CAPZB: variants seen among roughly 807,000 people sequenced by gnomAD.
CAPZB encodes the protein F-actin-capping protein subunit beta.
In CAPZB, 2 loss-of-function variants were observed where a neutral mutation model predicts 38.1. That is an observed-to-expected ratio of 0.05 (90% CI 0.02 to 0.17). The LOEUF is 0.17. CAPZB is among the 10% of genes least tolerant of loss of function. The pLI is 1.00. For synonymous variants in CAPZB, 107 were observed against 127.4 expected, an observed-to-expected ratio of 0.84 and a Z score of 1.08; for missense variants, 161 against 334.2, an observed-to-expected ratio of 0.48 and a Z score of 4.04.
intron 1 of CAPZB, among the ~76,000 whole-genome samples, chr1:19,443,224 C>CA (rs60052942): frequency 0.22 from 30,536 of 138,646 alleles, 3,796 homozygotes; most frequent in Non-Finnish European, 0.29. Context: ...CCCATCTCTA[C>CA]AAAAAAAAAA....
intron 1 of CAPZB, among the ~76,000 whole-genome samples, chr1:19,422,729 A>AAACAACAACAACAACAACAAC (rs60458604): frequency 2.0e-5 from 3 of 150,334 alleles, no homozygotes; most frequent in African/African-American, 4.9e-5. Context: ...TCCATCTCAA[A>AAACAACAACAACAACAACAAC]AACAACAACA....
chr1:19,435,811 G>A (rs1185364154), intron 1 of CAPZB, among the ~76,000 whole-genome samples: 2 of 152,210 alleles, frequency 1.3e-5, no homozygotes, highest in Non-Finnish European at 2.9e-5. Flanking sequence ...GAGCCCAGCA[G>A]CTGGGCCACC....
At chr1:19,435,839 C>T (rs1197184309) in intron 1 of CAPZB, among the ~76,000 whole-genome samples, 1 of 152,182 alleles carries the variant, frequency 6.6e-6, no homozygotes, top group African/African-American at 2.4e-5. Flanking sequence ...AGAACCACTG[C>T]CATCTCTTTG....
intron 8 of CAPZB, among the ~76,000 whole-genome samples, chr1:19,341,689 G>C (rs370614930): frequency 6.6e-6 from 1 of 152,148 alleles, no homozygotes; most frequent in South Asian, 2.1e-4. Flanking sequence ...GCACCATCAC[G>C]GTGTATCTTA....
intron 3 of CAPZB, among the ~76,000 whole-genome samples, chr1:19,384,172 A>C (rs2094191573): frequency 6.6e-6 from 1 of 152,140 alleles, no homozygotes; most frequent in Non-Finnish European, 1.5e-5. Context: ...GCTAACTTTT[A>C]TTACCCTCAG....
chr1:19,465,600 T>A (rs2094566357), intron 1 of CAPZB, among the ~76,000 whole-genome samples: 1 of 152,174 alleles, frequency 6.6e-6, no homozygotes, highest in South Asian at 2.1e-4. Flanking sequence ...GTGCAATGGC[T>A]CAGGTAGAAG....
chr1:19,385,664 A>G (rs1308822294), intron 2 of CAPZB, 38 bp from the exon 3 acceptor site: 5 of 1,614,064 alleles, frequency 3.1e-6, no homozygotes, highest in Non-Finnish European at 4.2e-6. Flanking sequence ...ACAGAGGTTA[A>G]AACAGCACAC....
intron 6 of CAPZB, among the ~76,000 whole-genome samples, chr1:19,347,162 GGAA>G: frequency 1.3e-5 from 2 of 152,174 alleles, no homozygotes; most frequent in East Asian, 3.9e-4. Flanking sequence ...TGTCAAAAAA[GGAA>G]GAATGGCCTC....
intron 6 of CAPZB, among the ~76,000 whole-genome samples, chr1:19,354,172 C>G (rs1449990743): frequency 6.6e-6 from 1 of 152,174 alleles, no homozygotes; most frequent in Non-Finnish European, 1.5e-5. Context: ...GTTTGAACTT[C>G]AGTTTCCTCA....
chr1:19,393,494 G>T (rs912408571), intron 2 of CAPZB, among the ~76,000 whole-genome samples: 1 of 152,216 alleles, frequency 6.6e-6, no homozygotes, highest in Admixed American at 6.5e-5. Flanking sequence ...ACCCAGGCAC[G>T]GGGAAGCTGC....
chr1:19,383,648 C>A (rs951924136), intron 3 of CAPZB, among the ~76,000 whole-genome samples: 1 of 152,122 alleles, frequency 6.6e-6, no homozygotes, highest in Admixed American at 6.6e-5. Context: ...GGCCTCAGGG[C>A]TGTATCACCA....
At chr1:19,426,689 C>T (rs2094424040) in intron 1 of CAPZB, among the ~76,000 whole-genome samples, 1 of 152,204 alleles carries the variant, frequency 6.6e-6, no homozygotes, top group South Asian at 2.1e-4. Flanking sequence ...CTCCAGGCTC[C>T]CACTGTTCCA....
At chr1:19,345,319 C>A (rs994846795) in intron 6 of CAPZB, 67 bp from the exon 7 acceptor site, 5 of 1,273,168 alleles carry the variant, frequency 3.9e-6, no homozygotes, top group Non-Finnish European at 5.7e-6. Flanking sequence ...AGACAGCCCA[C>A]CCCACCTCCA....
At chr1:19,404,286 G>T (rs1432304637) in intron 2 of CAPZB, among the ~76,000 whole-genome samples, 1 of 144,742 alleles carries the variant, frequency 6.9e-6, no homozygotes, top group Admixed American at 7.0e-5. Flanking sequence ...GCTCATGCCT[G>T]TAATCTCAGC....
In CAPZB at chr1:19,348,743, C is replaced by T. The variant is rs61404351; in HGVS notation, c.589-3491G>A. The stretch of plus-strand genomic sequence containing the variant: ...TGGGAGACCGACGGGTCTGAGAAAA[C>T]GGGTGGCATCTGACAAGGGGGGGGG... On this transcript the variant is annotated intron_variant, in intron 6 of 8. Coordinates refer to ENST00000264202, the MANE Select transcript of CAPZB (RefSeq NM_004930.5). Among the ~76,000 whole-genome samples the T allele has an allele frequency of 0.011, 1,272 of 119,554 alleles. 45 individuals carry two copies. The East Asian group carries it at 0.13, about 12-fold the overall frequency. The allele number at this position is 119,554 out of a possible 152,430, so 78.4% of individuals were successfully genotyped here. A position where few individuals can be genotyped will look rare whatever the true frequency, so the allele number is the denominator to read the frequency against.
At chr1:19,347,770 G>A (rs1404214794) in intron 6 of CAPZB, among the ~76,000 whole-genome samples, 1 of 152,180 alleles carries the variant, frequency 6.6e-6, no homozygotes, top group East Asian at 1.9e-4. Flanking sequence ...AATGGAGCCA[G>A]GCGGCAGCCA....
chr1:19,368,165 G>A (rs2094100360), intron 4 of CAPZB, among the ~76,000 whole-genome samples: 1 of 152,182 alleles, frequency 6.6e-6, no homozygotes, highest in Non-Finnish European at 1.5e-5. Context: ...GAGAAGCAGG[G>A]ATCTGGGAGT....
chr1:19,416,860 C>CAAAAAAAA lies in CAPZB; in HGVS notation c.93+2793_93+2800dup, dbSNP rs59789230. ...TGGGTGACAGAGCAAGACCCTGTCT[C>CAAAAAAAA]AAAAAAAAAAAAAAAAAAAAAAAAA... On this transcript the variant is annotated intron_variant, in intron 2 of 8. Coordinates refer to ENST00000264202, the MANE Select transcript of CAPZB (RefSeq NM_004930.5). Among the ~76,000 whole-genome samples the CAAAAAAAA allele has an allele frequency of 3.0e-3, 206 of 69,422 alleles. 30 individuals are homozygous for CAAAAAAAA. The highest frequency in any genetic ancestry group is 7.6e-3 in the African/African-American group (128 of 16,794). 45.5% of individuals were successfully genotyped at this position (69,422 alleles called of 152,430 possible). A position where few individuals can be genotyped will look rare whatever the true frequency, so the allele number is the denominator to read the frequency against.
chr1:19,423,516 C>CTTT (rs11340496), intron 1 of CAPZB, among the ~76,000 whole-genome samples: 4,330 of 113,060 alleles, frequency 0.038, 136 homozygotes, highest in Non-Finnish European at 0.046. Flanking sequence ...AGTGAACATT[C>CTTT]TTTTTTTTTT....
Sources: allele counts gnomAD v4.1 joint callset (sites outside exome capture counted in the v4.1 genomes callset), GRCh38; gene constraint gnomAD v4.1.1; transcripts MANE v1.5; gene names NCBI Gene and HGNC (gene_info 2026-07-23, HGNC 2026-07-21).